PUM1: variants seen among roughly 807,000 people sequenced by gnomAD.
PUM1 encodes pumilio RNA binding family member 1.
A neutral mutation model predicts 131.8 loss-of-function variants in PUM1; 13 were observed. The observed-to-expected ratio is 0.10, with a 90% CI of 0.06 to 0.16. The LOEUF is 0.16. Among genes scored for constraint, PUM1 ranks in the 10% least tolerant of loss-of-function variants. PUM1 has a pLI of 1.00. For missense variants in PUM1, 961 were observed against 1,512.4 expected, an observed-to-expected ratio of 0.64 and a Z score of 6.05; for synonymous variants, 509 against 556.5, an observed-to-expected ratio of 0.91 and a Z score of 1.20.
intron 14 of PUM1, among the ~76,000 whole-genome samples, chr1:30,955,328 G>A (rs6425692): frequency 0.3 from 44,015 of 147,794 alleles, 6,948 homozygotes; most frequent in Non-Finnish European, 0.34. Flanking sequence ...TTAGCTGGGC[G>A]TGGTGGCAGG....
Position 31,065,694 on chromosome 1 carries a change from A to T in PUM1, c.-90T>A. 6.5e-7 allele frequency: 1 copy of T among 1,543,816 alleles called. No homozygotes were observed. The highest frequency in any genetic ancestry group is 8.7e-7 in the Non-Finnish European group (1 of 1,145,494). ...GCGCTCTCGCTCCCCCTTACCTTTC[A>T]CTCCGACAACATGGCGGCCCACTGG... On this transcript the variant is annotated 5_prime_UTR_variant, in exon 1 of 22. It removes the in-frame stop codon of an upstream open reading frame in the 5' UTR. Transcript: ENST00000426105.
At chr1:31,065,466 C>CAGCG (rs1416723086) in intron 1 of PUM1, 150 bp downstream of exon 1, 1 of 820,866 alleles carries the variant, frequency 1.2e-6, no homozygotes, top group Non-Finnish European at 1.8e-6. Context: ...GTACGAGGAA[C>CAGCG]AGCGAGTGAG....
intron 9 of PUM1, among the ~76,000 whole-genome samples, chr1:30,979,566 A>G (rs1253459802): frequency 6.6e-6 from 1 of 152,188 alleles, no homozygotes; most frequent in East Asian, 1.9e-4. Context: ...ATGTTTGGTA[A>G]TAACTGTAGT....
chr1:30,965,940 A>G (rs1323824269), intron 13 of PUM1, 42 bp downstream of exon 13: 3 of 1,545,274 alleles, frequency 1.9e-6, no homozygotes, highest in Non-Finnish European at 2.6e-6. Context: ...TTGTAAAAAT[A>G]ATTAAAATTC....
chr1:31,022,062 T>C (rs994050103), intron 3 of PUM1, among the ~76,000 whole-genome samples: 2 of 133,666 alleles, frequency 1.5e-5, no homozygotes, highest in African/African-American at 6.1e-5. Flanking sequence ...GTAGCTATTA[T>C]TACTTCCGAG....
rs531405925 is a variant in PUM1, at chr1:30,948,713, G to A, written c.2856+1414C>T. Among the ~76,000 whole-genome samples, 15 of 152,258 alleles carry A rather than the reference G, an allele frequency of 9.9e-5. No individual in the cohort carries two copies. The South Asian group carries it at 1.0e-3, about 11-fold the overall frequency. Reference sequence around the variant, plus strand: ...CTGCAACAAGGACAATTGTGCCACTGCACTCCAGCCTGGGTGACAGAGTGA... The same window carrying A: ...CTGCAACAAGGACAATTGTGCCACTACACTCCAGCCTGGGTGACAGAGTGA... On this transcript the variant is annotated intron_variant, in intron 17 of 21. Coordinates refer to ENST00000426105, the MANE Select transcript of PUM1 (RefSeq NM_001020658.2).
At chr1:31,047,625 A>C (rs6694709) in intron 2 of PUM1, among the ~76,000 whole-genome samples, 37,651 of 152,198 alleles carry the variant, frequency 0.25, 5,801 homozygotes, top group Non-Finnish European at 0.34. Context: ...GAAAATACAG[A>C]AAGGTGTCAT....
Position 31,023,725 on chromosome 1 carries a change from T to C in PUM1, c.432+5071A>G, listed in dbSNP as rs762008186. ...GTGGATGGATCACGAAGTCAAGAGATAGAGACCATCCTGGCCAACATGGTG... is the reference window on the plus strand; with the variant it reads ...GTGGATGGATCACGAAGTCAAGAGACAGAGACCATCCTGGCCAACATGGTG... On this transcript the variant is annotated intron_variant, in intron 3 of 21. Coordinates refer to ENST00000426105, the MANE Select transcript of PUM1 (RefSeq NM_001020658.2). 5.4e-5 allele frequency among the ~76,000 whole-genome samples: 8 copies of C among 149,020 alleles called. No homozygotes were observed. In the South Asian group the frequency reaches 1.1e-3, roughly 20 times the overall value.
rs139310253 is a variant in PUM1 at position 31,031,050 on chromosome 1, G to T, written c.364-2186C>A. Among the ~76,000 whole-genome samples, 75 of 152,252 alleles carry T rather than the reference G, an allele frequency of 4.9e-4. 1 individual carries two copies. In the East Asian group the frequency reaches 0.01, roughly 21 times the overall value. On this transcript the variant is annotated intron_variant, in intron 2 of 21. Coordinates refer to ENST00000426105, the MANE Select transcript of PUM1 (RefSeq NM_001020658.2). ...ATAGGAGCTATGATCATTTTACATG[G>T]TGTTTAGATTATTAGATGAGCACAA...
intron 2 of PUM1, among the ~76,000 whole-genome samples, chr1:31,049,061 C>CTA (rs1328407443): frequency 8.6e-5 from 13 of 151,828 alleles, no homozygotes; most frequent in Admixed American, 3.9e-4. Context: ...CAAAAATGAG[C>CTA]TGGCATGATG....
chr1:30,941,870 A>T, intron 19 of PUM1, 128 bp downstream of exon 19: 5 of 1,062,134 alleles, frequency 4.7e-6, no homozygotes, highest in Non-Finnish European at 6.8e-6. Context: ...ATACAAATAC[A>T]ACCACAAGAT....
intron 20 of PUM1, among the ~76,000 whole-genome samples, chr1:30,940,233 TTTGGGAGGCCTAA>T (rs1458739059): frequency 5.3e-5 from 8 of 152,190 alleles, no homozygotes; most frequent in African/African-American, 1.4e-4. Context: ...ATCCCAGCAC[TTTGGGAGGCCTAA>T]GTGGGAGGAT....
chr1:30,987,184 C>A (rs1305028246), intron 7 of PUM1, among the ~76,000 whole-genome samples: 1 of 150,966 alleles, frequency 6.6e-6, no homozygotes, highest in African/African-American at 2.4e-5. Context: ...CATAATACAA[C>A]CTAGTAACAA....
At position 31,019,001 on chromosome 1, in the gene PUM1, G is replaced by A. The variant is rs376863198; in HGVS notation, c.432+9795C>T. Among the ~76,000 whole-genome samples, 5 of 152,362 alleles carry A rather than the reference G, an allele frequency of 3.3e-5. No homozygotes were observed. The East Asian group carries it at 5.8e-4, about 18-fold the overall frequency. ...GAAGATCCTCTATAGGCTGCTGGGCGACAGTAAGAGCAAAAAGAGCAATCA... is the reference window on the plus strand; with the variant it reads ...GAAGATCCTCTATAGGCTGCTGGGCAACAGTAAGAGCAAAAAGAGCAATCA... On this transcript the variant is annotated intron_variant, in intron 3 of 21. Coordinates refer to ENST00000426105, the MANE Select transcript of PUM1 (RefSeq NM_001020658.2).
intron 3 of PUM1, among the ~76,000 whole-genome samples, chr1:31,011,447 G>A (rs1290685408): frequency 6.6e-6 from 1 of 152,032 alleles, no homozygotes. Context: ...TAGACATGTT[G>A]AGCTTACTGA....
At chr1:30,946,486 A>T (rs1639675755) in intron 17 of PUM1, among the ~76,000 whole-genome samples, 1 of 151,618 alleles carries the variant, frequency 6.6e-6, no homozygotes. Context: ...AAAATACAAA[A>T]ATTAGCTGGG....
chr1:30,958,189 G>GT (rs1378602712), intron 14 of PUM1, among the ~76,000 whole-genome samples: 1 of 152,104 alleles, frequency 6.6e-6, no homozygotes, highest in Non-Finnish European at 1.5e-5. Context: ...ACTAAAAGGC[G>GT]TATAAAACCC....
chr1:31,026,733 C>A (rs976930393), intron 3 of PUM1, among the ~76,000 whole-genome samples: 1 of 151,962 alleles, frequency 6.6e-6, no homozygotes, highest in South Asian at 2.1e-4. Context: ...TTTCCTTATC[C>A]GGATAATAGA....
chr1:31,000,137 T>A (rs1484792653), intron 5 of PUM1, among the ~76,000 whole-genome samples: 1 of 152,192 alleles, frequency 6.6e-6, no homozygotes, highest in Admixed American at 6.5e-5. Flanking sequence ...TATCCACAAT[T>A]GAGAACCAAG....
Sources: allele counts gnomAD v4.1 joint callset (sites outside exome capture counted in the v4.1 genomes callset), GRCh38; gene constraint gnomAD v4.1.1; transcripts MANE v1.5; gene names NCBI Gene and HGNC (gene_info 2026-07-23, HGNC 2026-07-21).